Variants in ADAMTSL3 observed in about 807,000 individuals in gnomAD.
ADAMTSL3 encodes the protein ADAMTS like 3.
ADAMTSL3 carries 128 observed loss-of-function variants against 201.7 expected under a neutral mutation model. The observed-to-expected ratio is 0.63, with a 90% CI of 0.55 to 0.73. ADAMTSL3 has a LOEUF of 0.73. Ranked by LOEUF, ADAMTSL3 falls within the 30% of genes least tolerant of loss-of-function variation. ADAMTSL3 has a pLI of 0.00. For missense variants in ADAMTSL3, 1,990 were observed against 2,119.6 expected (o/e 0.94, Z 1.20); for synonymous variants, 738 against 748.4 (o/e 0.99, Z 0.23).
intron 8 of ADAMTSL3, among the ~76,000 whole-genome samples, chr15:83,865,832 C>T (rs1228274394): frequency 6.6e-6 from 1 of 152,172 alleles, no homozygotes; most frequent in Non-Finnish European, 1.5e-5. Flanking sequence ...AGGCAACCTA[C>T]AGAATGGGAG....
At chr15:83,756,821 C>A (rs2141689682) in intron 3 of ADAMTSL3, among the ~76,000 whole-genome samples, 1 of 152,286 alleles carries the variant, frequency 6.6e-6, no homozygotes, top group Admixed American at 6.5e-5. Flanking sequence ...ATACACCATT[C>A]CAAATAGGAG....
intron 17 of ADAMTSL3, among the ~76,000 whole-genome samples, chr15:83,941,151 C>T (rs186396311): frequency 4.6e-5 from 7 of 151,776 alleles, no homozygotes; most frequent in Non-Finnish European, 7.4e-5. Context: ...ATTTAATCTC[C>T]ATACTTGTAT....
Position 83,982,269 on chromosome 15 carries a change from G to A in ADAMTSL3, c.2645-4G>A. ...TCTTTTCTTTCTTTTTTTTTTTCTT[G>A]GAGAAATCAAATCAGAGATGAAGAC... On this transcript the variant is annotated splice_polypyrimidine_tract_variant and splice_region_variant and intron_variant, in intron 20 of 29. Transcript: ENST00000286744. 1 of 1,524,334 alleles carries A rather than the reference G, an allele frequency of 6.6e-7. No homozygotes were observed. The highest frequency in any genetic ancestry group is 8.8e-7 in the Non-Finnish European group (1 of 1,135,326). 94.4% of individuals were successfully genotyped at this position (1,524,334 alleles called of 1,614,324 possible).
intron 2 of ADAMTSL3, among the ~76,000 whole-genome samples, chr15:83,679,040 T>C (rs1316508910): frequency 6.6e-6 from 1 of 151,432 alleles, no homozygotes; most frequent in East Asian, 1.9e-4. Context: ...TTTCTTTCTG[T>C]TGTTCATATT....
chr15:83,684,010 C>T (rs770294691), intron 2 of ADAMTSL3, among the ~76,000 whole-genome samples: 6 of 152,168 alleles, frequency 3.9e-5, no homozygotes, highest in African/African-American at 9.7e-5. Flanking sequence ...CATATGTCCC[C>T]GGCTAAAAAC....
chr15:83,991,323 T>G, intron 23 of ADAMTSL3, 109 bp downstream of exon 23: 1 of 1,504,210 alleles, frequency 6.6e-7, no homozygotes, highest in Non-Finnish European at 9.0e-7. Context: ...GACCTCAGCC[T>G]GATAGGCTTA....
chr15:84,005,060 TAG>T (rs1366363705), intron 23 of ADAMTSL3, among the ~76,000 whole-genome samples: 1 of 151,780 alleles, frequency 6.6e-6, no homozygotes, highest in Non-Finnish European at 1.5e-5. Context: ...CCCCCAGAAA[TAG>T]AGTGAGAGGT....
chr15:83,769,396 T>C lies in ADAMTSL3; in HGVS notation c.190-4127T>C, dbSNP rs77383508. On this transcript the variant is annotated intron_variant, in intron 3 of 29. Transcript: ENST00000286744. The stretch of plus-strand genomic sequence containing the variant: ...TGAATGTATTAAACTGCTTATTGTA[T>C]CTTTTGTGAATTAAAACTTTATTTT... Among the ~76,000 whole-genome samples the C allele has an allele frequency of 8.8e-3, 1,338 of 152,330 alleles. 19 individuals carry two copies. The highest frequency in any genetic ancestry group is 0.03 in the African/African-American group (1,258 of 41,564).
At chr15:83,921,146 C>T (rs1282864377) in intron 16 of ADAMTSL3, among the ~76,000 whole-genome samples, 1 of 152,104 alleles carries the variant, frequency 6.6e-6, no homozygotes, top group Non-Finnish European at 1.5e-5. Context: ...ACTCTTTGGC[C>T]TAGGACTTTA....
At chr15:83,738,162 G>A (rs2062396989) in intron 3 of ADAMTSL3, among the ~76,000 whole-genome samples, 1 of 152,104 alleles carries the variant, frequency 6.6e-6, no homozygotes. Context: ...GATGAACAAA[G>A]AAACTGGTAA....
Position 84,036,941 on chromosome 15 carries a change from A to G in ADAMTSL3, c.4923A>G (p.Lys1641=), listed in dbSNP as rs769501245. ...KPVAKRHCVQ[K]KKPISWRHCL... ...TGGCCAAGAGACACTGTGTACAGAAAAAGAAACCAATTTCCTGGCGGCACT... is the reference window on the plus strand; with the variant it reads ...TGGCCAAGAGACACTGTGTACAGAAGAAGAAACCAATTTCCTGGCGGCACT... Residue 1641 remains lysine, a synonymous_variant, in exon 29 of 30, where the codon AAA becomes AAG. Coordinates refer to ENST00000286744, the MANE Select transcript of ADAMTSL3 (RefSeq NM_207517.3). 5.6e-6 allele frequency: 9 copies of G among 1,613,968 alleles called. No individual in the cohort carries two copies. Among genetic ancestry groups the G allele is most frequent in the Non-Finnish European group, 7.6e-6 (9 of 1,180,020 alleles).
chr15:83,915,538 C>T (rs1194738650), intron 16 of ADAMTSL3, among the ~76,000 whole-genome samples: 3 of 151,672 alleles, frequency 2.0e-5, no homozygotes, highest in Admixed American at 1.3e-4. Context: ...AGATAGAATG[C>T]GCACACTGTA....
chr15:83,798,806 C>CAA lies in ADAMTSL3; in HGVS notation c.318-5827_318-5826dup, dbSNP rs11340224. ...TGAGCGACAGAGTGGGACTCCGTCT[C>CAA]AAAAAAAAAAAAAAAAAACAAAAAA... On this transcript the variant is annotated intron_variant, in intron 4 of 29. Coordinates refer to ENST00000286744, the MANE Select transcript of ADAMTSL3 (RefSeq NM_207517.3). Among the ~76,000 whole-genome samples, 196 of 76,290 alleles carry CAA rather than the reference C, an allele frequency of 2.6e-3. 5 individuals are homozygous for CAA. The highest frequency in any genetic ancestry group is 3.8e-3 in the Non-Finnish European group (147 of 38,604). 50.0% of individuals were successfully genotyped at this position (76,290 alleles called of 152,430 possible).
chr15:83,801,663 T>TATATATAC (rs2063522609), intron 4 of ADAMTSL3, among the ~76,000 whole-genome samples: 1 of 43,552 alleles, frequency 2.3e-5, no homozygotes, highest in Non-Finnish European at 4.4e-5. Context: ...TATATATATA[T>TATATATAC]ATATATATAT....
intron 8 of ADAMTSL3, among the ~76,000 whole-genome samples, chr15:83,869,279 C>T (rs1418280820): frequency 6.6e-6 from 1 of 152,064 alleles, no homozygotes; most frequent in Non-Finnish European, 1.5e-5. Flanking sequence ...TCTAGTTCCC[C>T]ATTTCATTTT....
chr15:83,884,041 T>C (rs528541898), intron 9 of ADAMTSL3, among the ~76,000 whole-genome samples: 2 of 151,948 alleles, frequency 1.3e-5, no homozygotes, highest in African/African-American at 4.8e-5. Flanking sequence ...TACAGGCACA[T>C]GCCACCACAC....
Position 83,771,649 on chromosome 15 carries a change from G to T in ADAMTSL3, c.190-1874G>T, listed in dbSNP as rs184041951. On this transcript the variant is annotated intron_variant, in intron 3 of 29. Transcript: ENST00000286744. ...CTTTTTAATGGCTCCATAGCATTTC[G>T]TTGTGTGTATACCACATGTTGTTTA... is the stretch of plus-strand genomic sequence containing the variant. Among the ~76,000 whole-genome samples, 4 of 152,206 alleles carry T rather than the reference G, an allele frequency of 2.6e-5. No homozygotes were observed. The East Asian group carries it at 7.7e-4, about 29-fold the overall frequency.
At chr15:83,767,697 A>G (rs1270017094) in intron 3 of ADAMTSL3, among the ~76,000 whole-genome samples, 2 of 152,208 alleles carry the variant, frequency 1.3e-5, no homozygotes, top group Non-Finnish European at 2.9e-5. Context: ...TGCCGGATCC[A>G]GTTCCTTCTG....
chr15:83,842,234 G>A (rs1567182671), intron 7 of ADAMTSL3, among the ~76,000 whole-genome samples: 1 of 151,770 alleles, frequency 6.6e-6, no homozygotes, highest in African/African-American at 2.4e-5. Context: ...GAGGCAGAAG[G>A]GGGATGGAGT....
Sources: gnomAD v4.1 joint callset for allele counts (sites outside exome capture counted in the v4.1 genomes callset) on GRCh38, gnomAD v4.1.1 for gene constraint, MANE v1.5 for transcripts, NCBI Gene and HGNC (gene_info 2026-07-23, HGNC 2026-07-21) for gene names.